The following MYO5A variants were observed in gnomAD, a reference collection of about 807,000 sequenced individuals.
The protein encoded by MYO5A is myosin VA, also known as unconventional myosin-Va.
A neutral mutation model predicts 249.7 loss-of-function variants in MYO5A; 98 were observed. The observed-to-expected ratio is 0.39, with a 90% CI of 0.33 to 0.46. The LOEUF (loss-of-function observed/expected upper bound fraction) is 0.46, where lower values mean the gene tolerates loss of function less well. MYO5A is among the 20% of genes least tolerant of loss of function. The pLI, the probability that MYO5A is intolerant of heterozygous loss-of-function variation, is 0.98. For synonymous variants in MYO5A, 778 were observed against 810.6 expected (o/e 0.96, Z 0.68); for missense variants, 1,696 against 2,308.8 (o/e 0.73, Z 5.44).
At chr15:52,332,667 T>C (rs2038943436) in intron 34 of MYO5A, among the ~76,000 whole-genome samples, 1 of 152,102 alleles carries the variant, frequency 6.6e-6, no homozygotes, top group African/African-American at 2.4e-5. Flanking sequence ...TATCTACTAA[T>C]TAAAATAAAA....
At chr15:52,318,573 TA>T (rs1392882486) in intron 39 of MYO5A, among the ~76,000 whole-genome samples, 1 of 151,754 alleles carries the variant, frequency 6.6e-6, no homozygotes, top group African/African-American at 2.4e-5. Flanking sequence ...AGAGGGGGGA[TA>T]TTTTAAGAAT....
chr15:52,410,614 G>GCAAGAC, intron 5 of MYO5A, 138 bp from the exon 6 acceptor site: 1 of 759,462 alleles, frequency 1.3e-6, no homozygotes, highest in Non-Finnish European at 2.1e-6. Flanking sequence ...TTGAGACAGA[G>GCAAGAC]TCTTGCTCTG....
intron 1 of MYO5A, among the ~76,000 whole-genome samples, chr15:52,454,271 G>C (rs1359647594): frequency 6.6e-6 from 1 of 151,910 alleles, no homozygotes; most frequent in African/African-American, 2.4e-5. Flanking sequence ...TAACAAAGAA[G>C]GTCACTATAT....
chr15:52,492,085 T>C (rs959478258), intron 1 of MYO5A, among the ~76,000 whole-genome samples: 3 of 152,206 alleles, frequency 2.0e-5, no homozygotes, highest in African/African-American at 7.2e-5. Context: ...ATTAAGGAAT[T>C]ATAAACATTT....
chr15:52,402,302 A>C (rs1413983561), intron 9 of MYO5A, among the ~76,000 whole-genome samples: 1 of 152,164 alleles, frequency 6.6e-6, no homozygotes, highest in Non-Finnish European at 1.5e-5. Flanking sequence ...TTGGCACCAA[A>C]GTGTGGGTCA....
chr15:52,505,670 T>TC, intron 1 of MYO5A: 1 of 1,228,708 alleles, frequency 8.1e-7, no homozygotes, highest in Non-Finnish European at 1.2e-6. Context: ...TTAGAGGGCG[T>TC]CAGAAGCATT....
At chr15:52,316,184 A>C (rs1240991741) in intron 40 of MYO5A, among the ~76,000 whole-genome samples, 1 of 136,238 alleles carries the variant, frequency 7.3e-6, no homozygotes, top group African/African-American at 2.7e-5. Context: ...CAGTGAGTGG[A>C]GATCATACCA....
intron 28 of MYO5A, among the ~76,000 whole-genome samples, chr15:52,350,540 C>A (rs1400782412): frequency 6.6e-6 from 1 of 152,104 alleles, no homozygotes; most frequent in South Asian, 2.1e-4. Context: ...GCCTTGAGTC[C>A]TGTGATGCTC....
At chr15:52,418,497 T>C (rs1451070063) in intron 4 of MYO5A, among the ~76,000 whole-genome samples, 2 of 152,162 alleles carry the variant, frequency 1.3e-5, no homozygotes. Flanking sequence ...TCTAAGATAC[T>C]ATGAAAGTAG....
Position 52,384,339 on chromosome 15 carries a change from A to G in MYO5A, c.1753-17T>C. On this transcript the variant is annotated splice_polypyrimidine_tract_variant and intron_variant, in intron 14 of 41. Coordinates refer to ENST00000399233, the MANE Select transcript of MYO5A (RefSeq NM_001382347.1). ...CATCTTAAACTAAGTCAGAAACAAT[A>G]TAAAGAAATTACATTCTAAACCAAA... is the stretch of plus-strand genomic sequence containing the variant. 19 of 1,613,282 alleles carry G rather than the reference A, an allele frequency of 1.2e-5. No homozygotes were observed. The highest frequency in any genetic ancestry group is 1.6e-5 in the Non-Finnish European group (19 of 1,179,218).
chr15:52,409,844 ACTG>A (rs1361373821), intron 6 of MYO5A, among the ~76,000 whole-genome samples: 2 of 109,196 alleles, frequency 1.8e-5, no homozygotes, highest in Non-Finnish European at 4.9e-5. Flanking sequence ...AGATGCATCA[ACTG>A]TTTTTTTGAT....
At chr15:52,506,106 C>T (rs1015806246) in intron 1 of MYO5A, among the ~76,000 whole-genome samples, 2 of 152,042 alleles carry the variant, frequency 1.3e-5, no homozygotes, top group Non-Finnish European at 2.9e-5. Flanking sequence ...AATCCCAGCA[C>T]TTTAGGAGGC....
At chr15:52,437,767 T>A (rs971020427) in intron 1 of MYO5A, among the ~76,000 whole-genome samples, 2 of 152,166 alleles carry the variant, frequency 1.3e-5, no homozygotes, top group African/African-American at 4.8e-5. Flanking sequence ...GCCTTCATGT[T>A]CTGTGTTAGT....
chr15:52,502,016 T>C (rs2077169877), intron 1 of MYO5A, among the ~76,000 whole-genome samples: 1 of 152,114 alleles, frequency 6.6e-6, no homozygotes, highest in Non-Finnish European at 1.5e-5. Context: ...ATAGTATTTA[T>C]ATATATAAAC....
intron 1 of MYO5A, among the ~76,000 whole-genome samples, chr15:52,517,054 T>C (rs753772847): frequency 6.6e-6 from 1 of 152,236 alleles, no homozygotes; most frequent in Non-Finnish European, 1.5e-5. Flanking sequence ...TGAACTTATA[T>C]GTTTCTAGTC....
At chr15:52,340,075 G>GGGTA (rs2039307431) in intron 32 of MYO5A, 121 bp downstream of exon 32, 2 of 973,992 alleles carry the variant, frequency 2.1e-6, no homozygotes, top group African/African-American at 1.6e-5. Flanking sequence ...GGAGTAAGAG[G>GGGTA]GGTAACAAGT....
intron 1 of MYO5A, among the ~76,000 whole-genome samples, chr15:52,508,245 C>T (rs2077314637): frequency 6.6e-6 from 1 of 152,056 alleles, no homozygotes; most frequent in Admixed American, 6.5e-5. Flanking sequence ...ATTTCTGGTT[C>T]ACACAAGTCC....
chr15:52,432,064 T>A (rs182850286), intron 2 of MYO5A, among the ~76,000 whole-genome samples: 63 of 152,214 alleles, frequency 4.1e-4, no homozygotes, highest in African/African-American at 1.4e-3. Flanking sequence ...AAATAAATAA[T>A]GATAGTAATG....
chr15:52,444,587 T>C (rs1299155763), intron 1 of MYO5A, among the ~76,000 whole-genome samples: 1 of 151,416 alleles, frequency 6.6e-6, no homozygotes, highest in Non-Finnish European at 1.5e-5. Flanking sequence ...AATGATTAGG[T>C]TGTATAAGGA....
Sources: allele counts gnomAD v4.1 joint callset (sites outside exome capture counted in the v4.1 genomes callset), GRCh38; gene constraint gnomAD v4.1.1; transcripts MANE v1.5; gene names NCBI Gene and HGNC (gene_info 2026-07-23, HGNC 2026-07-21).